FGF1: variants seen among roughly 807,000 people sequenced by gnomAD.
The protein encoded by FGF1 is beta-endothelial cell growth factor.
A neutral mutation model predicts 13.4 loss-of-function variants in FGF1; 9 were observed. That is an observed-to-expected ratio of 0.67 (90% CI 0.40 to 1.17). The LOEUF (loss-of-function observed/expected upper bound fraction) is 1.17. Ranked by LOEUF, FGF1 falls within the 50% of genes most tolerant of loss-of-function variation. The probability of loss-of-function intolerance (pLI) is 0.01; values close to 1 mark genes in which losing one functional copy is unlikely to be tolerated. For missense variants in FGF1, 156 were observed against 192.7 expected, an observed-to-expected ratio of 0.81 and a Z score of 1.13; for synonymous variants, 93 against 79.0, an observed-to-expected ratio of 1.18 and a Z score of -0.94.
chr5:142,608,542 CTATATA>C (rs369107817), intron 2 of FGF1, among the ~76,000 whole-genome samples: 4,186 of 75,348 alleles, frequency 0.056, 177 homozygotes, highest in Admixed American at 0.13. Context: ...ATATACACAT[CTATATA>C]TATATATATA....
At chr5:142,613,863 A>G in intron 2 of FGF1, 96 bp downstream of exon 2, 1 of 1,285,888 alleles carries the variant, frequency 7.8e-7, no homozygotes, top group Non-Finnish European at 1.1e-6. Flanking sequence ...AGAACCTTGG[A>G]GAAGCAAGTA....
intron 1 of FGF1, among the ~76,000 whole-genome samples, chr5:142,678,954 C>T (rs1380680191): frequency 6.6e-6 from 1 of 152,146 alleles, no homozygotes; most frequent in Non-Finnish European, 1.5e-5. Flanking sequence ...GAACTTCACT[C>T]CCTAATGGCC....
At chr5:142,652,066 A>C (rs1483159095) in intron 1 of FGF1, among the ~76,000 whole-genome samples, 4 of 152,116 alleles carry the variant, frequency 2.6e-5, no homozygotes, top group African/African-American at 9.7e-5. Context: ...AATTATTAGC[A>C]CTTCCATTTT....
chr5:142,672,724 C>T (rs1034595293), intron 1 of FGF1, among the ~76,000 whole-genome samples: 9 of 152,220 alleles, frequency 5.9e-5, no homozygotes, highest in African/African-American at 1.2e-4. Context: ...AGGCTCGTCT[C>T]GAACTCCTGA....
chr5:142,692,708 G>C (rs112028984), intron 2 of FGF1, among the ~76,000 whole-genome samples: 9 of 146,372 alleles, frequency 6.1e-5, no homozygotes, highest in East Asian at 2.0e-4. Context: ...CACACGCACA[G>C]ACACACACAC....
chr5:142,620,718 T>G (rs1430461266), intron 1 of FGF1, among the ~76,000 whole-genome samples: 2 of 152,132 alleles, frequency 1.3e-5, no homozygotes, highest in Non-Finnish European at 2.9e-5. Context: ...TGTAGAAGAT[T>G]GAAATACACA....
chr5:142,697,779 A>T (rs1480134125), intron 1 of FGF1: 1 of 152,222 alleles, frequency 6.6e-6, no homozygotes, highest in African/African-American at 2.4e-5. Context: ...AAAGGAGGCG[A>T]TGCCCTGATT....
At chr5:142,650,064 C>G (rs892894985) in intron 1 of FGF1, among the ~76,000 whole-genome samples, 2 of 152,192 alleles carry the variant, frequency 1.3e-5, no homozygotes, top group African/African-American at 4.8e-5. Context: ...TGGGTCAGGC[C>G]TGGGAATCTA....
At chr5:142,658,348 C>T (rs1359525039) in intron 1 of FGF1, among the ~76,000 whole-genome samples, 1 of 152,236 alleles carries the variant, frequency 6.6e-6, no homozygotes, top group Non-Finnish European at 1.5e-5. Context: ...ACAACATGGC[C>T]ATCCTTGGCT....
intron 1 of FGF1, among the ~76,000 whole-genome samples, chr5:142,645,622 A>C (rs1336219887): frequency 6.6e-6 from 1 of 152,208 alleles, no homozygotes; most frequent in Non-Finnish European, 1.5e-5. Flanking sequence ...CTATCCCTAC[A>C]AATCCTTATC....
intron 1 of FGF1, among the ~76,000 whole-genome samples, chr5:142,665,588 G>A (rs1158383817): frequency 2.0e-5 from 3 of 151,938 alleles, no homozygotes; most frequent in African/African-American, 4.8e-5. Context: ...CTGTCCTCCC[G>A]GAATTCCCTC....
intron 1 of FGF1, among the ~76,000 whole-genome samples, chr5:142,640,144 A>G (rs1389587075): frequency 6.6e-6 from 1 of 152,000 alleles, no homozygotes; most frequent in Non-Finnish European, 1.5e-5. Context: ...AGAGAGAGGA[A>G]GAAACTCGAG....
At chr5:142,615,795 G>A (rs1760109089) in intron 1 of FGF1, among the ~76,000 whole-genome samples, 1 of 152,224 alleles carries the variant, frequency 6.6e-6, no homozygotes, top group Non-Finnish European at 1.5e-5. Flanking sequence ...GGAACAGAAA[G>A]CCCCAATTTG....
chr5:142,664,408 C>G (rs1769890640), intron 1 of FGF1, among the ~76,000 whole-genome samples: 1 of 152,202 alleles, frequency 6.6e-6, no homozygotes, highest in East Asian at 1.9e-4. Flanking sequence ...GTATTCTCTG[C>G]AAATGTAGTG....
intron 1 of FGF1, among the ~76,000 whole-genome samples, chr5:142,684,708 G>A (rs1774357752): frequency 1.3e-5 from 2 of 152,206 alleles, no homozygotes; most frequent in Non-Finnish European, 1.5e-5. Context: ...GTAAACTGCT[G>A]GCCACCCTTC....
In FGF1 at chr5:142,649,048, A is replaced by G. The variant is rs1206029537; in HGVS notation, c.-34-34887T>C. Among the ~76,000 whole-genome samples the G allele has an allele frequency of 3.9e-5, 6 of 152,214 alleles. No homozygotes were observed. The East Asian group carries it at 1.2e-3, about 29-fold the overall frequency. ...AAGAAAAACAAAAAGGAAAATAAGA[A>G]ACACCTGTGTGCACTTTACTCTGAT... On this transcript the variant is annotated intron_variant, in intron 1 of 3. Coordinates refer to ENST00000337706, the MANE Select transcript of FGF1 (RefSeq NM_000800.5).
chr5:142,631,120 A>G (rs1763307271), intron 1 of FGF1, among the ~76,000 whole-genome samples: 1 of 152,058 alleles, frequency 6.6e-6, no homozygotes, highest in African/African-American at 2.4e-5. Flanking sequence ...TGACCTAAGG[A>G]CTCTGCTACG....
At chr5:142,607,130 T>G (rs951331709) in intron 2 of FGF1, among the ~76,000 whole-genome samples, 18 of 152,170 alleles carry the variant, frequency 1.2e-4, no homozygotes, top group African/African-American at 3.9e-4. Flanking sequence ...ATGACCCAGC[T>G]TAGGTTTGAG....
At chr5:142,598,672 A>C (rs1360975278) in intron 3 of FGF1, among the ~76,000 whole-genome samples, 2 of 152,184 alleles carry the variant, frequency 1.3e-5, no homozygotes, top group Non-Finnish European at 2.9e-5. Flanking sequence ...TTAGTGCCTA[A>C]ATTTTATGAA....
Sources: gnomAD v4.1 joint callset for allele counts (sites outside exome capture counted in the v4.1 genomes callset) on GRCh38, gnomAD v4.1.1 for gene constraint, MANE v1.5 for transcripts, NCBI Gene and HGNC (gene_info 2026-07-23, HGNC 2026-07-21) for gene names.